The following TBC1D12 variants were observed in gnomAD, a reference collection of about 807,000 sequenced individuals.
TBC1D12 encodes TBC1 domain family, member 12.
Under a neutral mutation model 86.7 loss-of-function variants are expected in TBC1D12, and 56 were observed. The observed-to-expected ratio is 0.65, with a 90% confidence interval of 0.52 to 0.81. TBC1D12 has a LOEUF of 0.81. TBC1D12 is among the 30% of genes least tolerant of loss of function. TBC1D12 has a pLI of 0.00. For missense variants in TBC1D12, 1,023 were observed against 1,038.8 expected (o/e 0.98, Z 0.21); for synonymous variants, 421 against 411.7 (o/e 1.02, Z -0.27).
chr10:94,474,338 CA>C (rs11316685), intron 2 of TBC1D12, among the ~76,000 whole-genome samples: 147,246 of 148,658 alleles, frequency 0.99, 72,933 homozygotes, highest in Non-Finnish European at 1. Flanking sequence ...TTCAGGAAAA[CA>C]AAAAAAAAAA....
chr10:94,433,942 A>G (rs937669160), intron 1 of TBC1D12, among the ~76,000 whole-genome samples: 2 of 152,100 alleles, frequency 1.3e-5, no homozygotes, highest in Admixed American at 1.3e-4. Context: ...AGAGTTGATA[A>G]TAGCTGTAAA....
chr10:94,428,469 G>A, intron 1 of TBC1D12, among the ~76,000 whole-genome samples: 1 of 150,796 alleles, frequency 6.6e-6, no homozygotes, highest in Non-Finnish European at 1.5e-5. Context: ...TATACTTTTT[G>A]TGGAAATGGG....
At chr10:94,520,750 C>T (rs1326347603) in intron 9 of TBC1D12, among the ~76,000 whole-genome samples, 1 of 151,850 alleles carries the variant, frequency 6.6e-6, no homozygotes, top group Non-Finnish European at 1.5e-5. Context: ...AGCTCCGCCT[C>T]CCAGGTTCAC....
chr10:94,430,033 G>C (rs761056852), intron 1 of TBC1D12, among the ~76,000 whole-genome samples: 17 of 152,116 alleles, frequency 1.1e-4, no homozygotes, highest in Non-Finnish European at 1.6e-4. Flanking sequence ...ACCGCACCCA[G>C]CCGAAAAGTA....
At chr10:94,452,901 A>G (rs2055572804) in intron 2 of TBC1D12, among the ~76,000 whole-genome samples, 1 of 152,220 alleles carries the variant, frequency 6.6e-6, no homozygotes, top group Admixed American at 6.5e-5. Context: ...TTCCAGCAGC[A>G]TTGAATGAGA....
chr10:94,518,967 C>T lies in TBC1D12; in HGVS notation c.1762-2988C>T, dbSNP rs368684455. ...GCAGGCACCTCTATTCCCAGCTGTTCGGGAGGTTGAGGCAGGAGAATCACT... is the reference window on the plus strand; with the variant it reads ...GCAGGCACCTCTATTCCCAGCTGTTTGGGAGGTTGAGGCAGGAGAATCACT... On this transcript the variant is annotated intron_variant, in intron 9 of 12. Coordinates refer to ENST00000225235, the MANE Select transcript of TBC1D12 (RefSeq NM_015188.2). 7.9e-5 allele frequency among the ~76,000 whole-genome samples: 12 copies of T among 152,104 alleles called. No individual in the cohort carries two copies. The East Asian group carries it at 1.5e-3, about 20-fold the overall frequency.
chr10:94,492,332 T>G (rs2056256832), intron 3 of TBC1D12, among the ~76,000 whole-genome samples: 1 of 152,080 alleles, frequency 6.6e-6, no homozygotes, highest in Non-Finnish European at 1.5e-5. Context: ...AGTTTTTTAG[T>G]TAAAATGTTG....
chr10:94,449,387 A>G (rs1276237529), intron 2 of TBC1D12, among the ~76,000 whole-genome samples: 20 of 152,198 alleles, frequency 1.3e-4, no homozygotes, highest in Admixed American at 1.2e-3. Context: ...CGAGACTGCA[A>G]TTGAGCTTGA....
rs980377744 is a variant in TBC1D12 at position 94,533,220 on chromosome 10, A to G, written c.*124A>G. 1 of 549,630 alleles carries G rather than the reference A, an allele frequency of 1.8e-6. No homozygotes were observed. The highest frequency in any genetic ancestry group is 3.4e-4 in the Middle Eastern group (1 of 2,950). The allele number at this position is 549,630 out of a possible 1,614,324, so 34.0% of individuals were successfully genotyped here. Reference sequence around the variant, plus strand: ...ACCTAAAAGAATCAAGAGGTGGAAAACTGCTGATTTTACATTTTATGGCTG... The same window carrying G: ...ACCTAAAAGAATCAAGAGGTGGAAAGCTGCTGATTTTACATTTTATGGCTG... On this transcript the variant is annotated 3_prime_UTR_variant, in exon 13 of 13. Transcript: ENST00000225235.
intron 2 of TBC1D12, among the ~76,000 whole-genome samples, chr10:94,453,791 A>G (rs2055587201): frequency 6.6e-6 from 1 of 152,084 alleles, no homozygotes; most frequent in South Asian, 2.1e-4. Context: ...AATTTTTGTG[A>G]TGGATGTAAG....
intron 1 of TBC1D12, among the ~76,000 whole-genome samples, chr10:94,419,790 A>C (rs774854446): frequency 7.9e-5 from 12 of 152,234 alleles, no homozygotes; most frequent in Non-Finnish European, 1.3e-4. Flanking sequence ...TCTATTTAAT[A>C]CATTTAATAC....
chr10:94,457,365 G>A (rs1401113143), intron 2 of TBC1D12, among the ~76,000 whole-genome samples: 1 of 152,142 alleles, frequency 6.6e-6, no homozygotes, highest in Non-Finnish European at 1.5e-5. Context: ...ACATGGCTGG[G>A]TCTTCTTTTG....
At chr10:94,525,393 C>T (rs575470466) in intron 11 of TBC1D12, among the ~76,000 whole-genome samples, 2 of 152,228 alleles carry the variant, frequency 1.3e-5, no homozygotes, top group Non-Finnish European at 2.9e-5. Context: ...GGGCAAATCA[C>T]CTGAGCTCAG....
rs1233316297 is a variant in TBC1D12 at position 94,522,066 on chromosome 10, C to T, written c.1873C>T (p.Arg625Cys). 1.2e-6 allele frequency: 2 copies of T among 1,612,184 alleles called. No individual in the cohort carries two copies. The highest frequency in any genetic ancestry group is 8.5e-7 in the Non-Finnish European group (1 of 1,178,776). The change falls in exon 10 of 13, where the codon CGT becomes TGT. Residue 625 changes from arginine to cysteine, a missense_variant. By Grantham distance (180) the Arg-to-Cys change is radical. Around this residue, in one of 2 missense-constraint regions of TBC1D12, gnomAD observed 395 missense variants for 507.7 expected, o/e 0.78. Transcript: ENST00000225235. ...TAAGCCATGCCAGTTGGCCTTTTTT[C>T]GTGTGGATCACAGCATGGTATGAAT... ...LNKPCQLAFF[R>C]VDHSMMLKYF...
intron 2 of TBC1D12, among the ~76,000 whole-genome samples, chr10:94,459,682 G>T (rs2055693569): frequency 6.6e-6 from 1 of 152,184 alleles, no homozygotes; most frequent in African/African-American, 2.4e-5. Flanking sequence ...TTTGAGTGCG[G>T]CACGGGCAGG....
intron 11 of TBC1D12, among the ~76,000 whole-genome samples, chr10:94,525,294 A>G (rs1229447154): frequency 6.6e-6 from 1 of 152,154 alleles, no homozygotes; most frequent in Non-Finnish European, 1.5e-5. Context: ...CAAGTATTAT[A>G]CAATATAAAT....
rs1564930312 is a variant in TBC1D12 at position 94,402,808 on chromosome 10, GCCTCGGCAGCTCCTTCAGCGTTA to G, written c.201_223del (p.Gln68GlyfsTer49). ...AGGCTGACGAGGAGGAGGAGACGCCGCCTCGGCAGCTCCTTCAGCGTTACCTCGCGGCGGCCGGGGAGCAGCTG... is the reference window on the plus strand; with the variant it reads ...AGGCTGACGAGGAGGAGGAGACGCCGCCTCGCGGCGGCCGGGGAGCAGCTG... On this transcript the variant is annotated frameshift_variant, in exon 1 of 13. Transcript: ENST00000225235. LOFTEE classifies it high-confidence loss of function. The G allele has an allele frequency of 6.5e-7, 1 of 1,540,358 alleles. No homozygotes were observed. Among genetic ancestry groups the G allele is most frequent in the South Asian group, 1.2e-5 (1 of 83,138 alleles).
intron 1 of TBC1D12, among the ~76,000 whole-genome samples, chr10:94,415,050 T>A (rs1272186132): frequency 1.3e-5 from 2 of 152,130 alleles, no homozygotes; most frequent in Non-Finnish European, 2.9e-5. Context: ...GTTCCAGTGC[T>A]AAAAGGAAAG....
chr10:94,467,128 A>T (rs1257281818), intron 2 of TBC1D12, among the ~76,000 whole-genome samples: 5 of 152,202 alleles, frequency 3.3e-5, no homozygotes, highest in Non-Finnish European at 7.4e-5. Flanking sequence ...TTTTTCTTTT[A>T]AATAAAAATA....
Sources: gnomAD v4.1 joint callset for allele counts (sites outside exome capture counted in the v4.1 genomes callset) on GRCh38, gnomAD v4.1.1 for gene constraint, gnomAD v4.1.1 regional missense constraint, MANE v1.5 for transcripts, NCBI Gene and HGNC (gene_info 2026-07-23, HGNC 2026-07-21) for gene names.